The following C16orf74 variants were observed in gnomAD, a reference collection of about 807,000 sequenced individuals.
The protein encoded by C16orf74 is calcimembrin, also known as uncharacterized protein C16orf74.
Under a neutral mutation model 6.5 loss-of-function variants are expected in C16orf74, and 10 were observed. The observed-to-expected ratio is 1.54, with a 90% confidence interval of 0.95 to 2.61. The LOEUF is 2.61. C16orf74 is among the 30% of genes most tolerant of loss of function. The pLI, the probability that C16orf74 is intolerant of heterozygous loss-of-function variation, is 0.00. For synonymous variants in C16orf74, 60 were observed against 42.5 expected (o/e 1.41, Z -1.60); for missense variants, 141 against 105.9 (o/e 1.33, Z -1.45).
chr16:85,716,264 AAGG>A (rs967123718), intron 2 of C16orf74, among the ~76,000 whole-genome samples: 3 of 148,446 alleles, frequency 2.0e-5, no homozygotes, highest in Non-Finnish European at 4.5e-5. Flanking sequence ...GAGAGGAGGA[AAGG>A]AGGAGAGAAC....
intron 2 of C16orf74, among the ~76,000 whole-genome samples, chr16:85,734,455 G>A (rs779330213): frequency 3.5e-4 from 53 of 152,276 alleles, no homozygotes; most frequent in Middle Eastern, 3.4e-3. Context: ...CTGGGGTCAG[G>A]TAGGTGGCCC....
In C16orf74 at chr16:85,740,166, C is replaced by T. The variant is rs1424149396; in HGVS notation, c.-18-4931G>A. On this transcript the variant is annotated intron_variant, in intron 1 of 3. Coordinates refer to ENST00000284245, the MANE Select transcript of C16orf74 (RefSeq NM_206967.3). ...CAGAGGTTGTAGGGAGCCGAGATCA[C>T]GCCATTGCACCCATAGGCTGGGCGA... Among the ~76,000 whole-genome samples, 4 of 143,790 alleles carry T rather than the reference C, an allele frequency of 2.8e-5. 1 individual carries two copies. Among genetic ancestry groups the T allele is most frequent in the Non-Finnish European group, 6.0e-5 (4 of 66,708 alleles). The allele number at this position is 143,790 out of a possible 152,430, so 94.3% of individuals were successfully genotyped here. A position where few individuals can be genotyped will look rare whatever the true frequency, so the allele number is the denominator to read the frequency against.
intron 1 of C16orf74, among the ~76,000 whole-genome samples, chr16:85,750,011 C>A (rs2054418907): frequency 6.6e-6 from 1 of 152,200 alleles, no homozygotes; most frequent in South Asian, 2.1e-4. Flanking sequence ...GTTAACCCAG[C>A]CCAGGACAGG....
intron 2 of C16orf74, among the ~76,000 whole-genome samples, chr16:85,718,513 G>A (rs989715012): frequency 6.6e-6 from 1 of 152,160 alleles, no homozygotes; most frequent in Non-Finnish European, 1.5e-5. Context: ...ACGGCCAGAC[G>A]GCCCACCTGG....
In C16orf74 at chr16:85,707,950, G is replaced by C. The variant is rs2053929259; in HGVS notation, c.*58C>G. 3 of 1,472,868 alleles carry C rather than the reference G, an allele frequency of 2.0e-6. 1 individual carries two copies. The highest frequency in any genetic ancestry group is 1.2e-5 in the South Asian group (1 of 82,490). 91.2% of individuals were successfully genotyped at this position (1,472,868 alleles called of 1,614,324 possible). A position where few individuals can be genotyped will look rare whatever the true frequency, so the allele number is the denominator to read the frequency against. On this transcript the variant is annotated 3_prime_UTR_variant, in exon 4 of 4. Coordinates refer to ENST00000284245, the MANE Select transcript of C16orf74 (RefSeq NM_206967.3). Reference sequence around the variant, plus strand: ...CCTGCTCCAGGCAGCCACGCCCCCGGACACCTGAAGCCGGGCCGCTGGAGC... The same window carrying C: ...CCTGCTCCAGGCAGCCACGCCCCCGCACACCTGAAGCCGGGCCGCTGGAGC...
intron 2 of C16orf74, among the ~76,000 whole-genome samples, chr16:85,730,818 C>T (rs571478583): frequency 1.1e-4 from 15 of 135,932 alleles, no homozygotes; most frequent in Non-Finnish European, 9.4e-5. Flanking sequence ...CTCCCCCATA[C>T]GAGACAACCC....
intron 1 of C16orf74, among the ~76,000 whole-genome samples, chr16:85,740,486 A>T (rs1309802225): frequency 6.6e-6 from 1 of 151,966 alleles, no homozygotes; most frequent in Non-Finnish European, 1.5e-5. Flanking sequence ...GAGGATCACG[A>T]GGTCAGGAGA....
At chr16:85,740,887 T>C (rs2054299360) in intron 1 of C16orf74, among the ~76,000 whole-genome samples, 2 of 146,358 alleles carry the variant, frequency 1.4e-5, no homozygotes, top group Non-Finnish European at 3.0e-5. Context: ...TCAAGAGTCA[T>C]CATTTCCGTA....
At chr16:85,713,655 C>T (rs2053991344) in intron 2 of C16orf74, among the ~76,000 whole-genome samples, 1 of 152,236 alleles carries the variant, frequency 6.6e-6, no homozygotes, top group South Asian at 2.1e-4. Context: ...TAACTCATTA[C>T]ACCTGCAAAG....
chr16:85,710,247 T>A lies in C16orf74; in HGVS notation c.89A>T (p.Asp30Val). 6.7e-7 allele frequency: 1 copy of A among 1,499,530 alleles called. No homozygotes were observed. The highest frequency in any genetic ancestry group is 8.8e-7 in the Non-Finnish European group (1 of 1,136,228). The allele number at this position is 1,499,530 out of a possible 1,614,324, so 92.9% of individuals were successfully genotyped here. The stretch of plus-strand genomic sequence containing the variant: ...GATGTCGGGCACGTCCAGGTGCTTG[T>A]CGTTCAGGACGGGGGCCTCGTCGTG... ...SSHDEAPVLN[D>V]KHLDVPDIII... The change falls in exon 3 of 4, where the codon GAC (aspartate) becomes GTC (valine). Residue 30 changes from aspartate to valine, a missense_variant. By Grantham distance (152) the Asp-to-Val change is radical. Coordinates refer to ENST00000284245, the MANE Select transcript of C16orf74 (RefSeq NM_206967.3).
chr16:85,737,685 G>A (rs142995572), intron 1 of C16orf74, among the ~76,000 whole-genome samples: 4,053 of 152,234 alleles, frequency 0.027, 173 homozygotes, highest in African/African-American at 0.092. Flanking sequence ...CAAAAAATTA[G>A]CTGGGTGTGG....
intron 2 of C16orf74, among the ~76,000 whole-genome samples, chr16:85,728,972 G>A (rs190200694): frequency 1.1e-3 from 165 of 152,352 alleles, no homozygotes; most frequent in Non-Finnish European, 2.0e-3. Context: ...AGTGGGTCCT[G>A]AGAATCTGAT....
chr16:85,748,932 T>C (rs112835819), intron 1 of C16orf74, among the ~76,000 whole-genome samples: 2 of 39,260 alleles, frequency 5.1e-5, no homozygotes, highest in Admixed American at 3.5e-4. Flanking sequence ...TTGATTTTTT[T>C]TTTTTTTTTT....
chr16:85,723,522 G>A (rs2054103457), intron 2 of C16orf74, among the ~76,000 whole-genome samples: 1 of 152,188 alleles, frequency 6.6e-6, no homozygotes, highest in Non-Finnish European at 1.5e-5. Context: ...TAACGCTATG[G>A]CCACGGTCAT....
intron 2 of C16orf74, among the ~76,000 whole-genome samples, chr16:85,713,981 C>G (rs1455094879): frequency 6.6e-6 from 1 of 152,200 alleles, no homozygotes; most frequent in Non-Finnish European, 1.5e-5. Flanking sequence ...CCTCCAGTGA[C>G]TTCTGTGAGT....
At chr16:85,708,497 A>C (rs1405987178) in intron 3 of C16orf74, among the ~76,000 whole-genome samples, 1 of 152,136 alleles carries the variant, frequency 6.6e-6, no homozygotes, top group Non-Finnish European at 1.5e-5. Flanking sequence ...CAGGAGGCGC[A>C]CTGCAGCAGG....
Position 85,707,707 on chromosome 16 carries a change from G to C in C16orf74, c.*301C>G, listed in dbSNP as rs2053926107. 2.3e-6 allele frequency: 1 copy of C among 425,834 alleles called. No individual in the cohort carries two copies. Among genetic ancestry groups the C allele is most frequent in the African/African-American group, 2.1e-5 (1 of 48,262 alleles). The allele number at this position is 425,834 out of a possible 1,614,324, so 26.4% of individuals were successfully genotyped here. A position where few individuals can be genotyped will look rare whatever the true frequency, so the allele number is the denominator to read the frequency against. ...TGGGAGGGTGTGTTTGTCCAGAAGA[G>C]AGCCTCTCCCTGGGACCCCAACAGC... On this transcript the variant is annotated 3_prime_UTR_variant, in exon 4 of 4. Transcript: ENST00000284245.
chr16:85,719,144 G>T (rs1362274712), intron 2 of C16orf74, among the ~76,000 whole-genome samples: 1 of 152,218 alleles, frequency 6.6e-6, no homozygotes, highest in African/African-American at 2.4e-5. Flanking sequence ...TGCAGCACAG[G>T]TGTAACACCC....
At chr16:85,710,805 G>A (rs902745070) in intron 2 of C16orf74, 3 of 153,296 alleles carry the variant, frequency 2.0e-5, no homozygotes, top group African/African-American at 7.2e-5. Context: ...AAAGCCCAGT[G>A]CAACGGGCTC....
Sources: gnomAD v4.1 joint callset for allele counts (sites outside exome capture counted in the v4.1 genomes callset) on GRCh38, gnomAD v4.1.1 for gene constraint, MANE v1.5 for transcripts, NCBI Gene and HGNC (gene_info 2026-07-23, HGNC 2026-07-21) for gene names.